The following MYO5A variants were observed in gnomAD, a reference collection of about 807,000 sequenced individuals.
MYO5A encodes the protein unconventional myosin-Va.
Under a neutral mutation model 249.7 loss-of-function variants are expected in MYO5A, and 98 were observed. The observed-to-expected ratio is 0.39, with a 90% confidence interval of 0.33 to 0.46. The LOEUF (loss-of-function observed/expected upper bound fraction) is 0.46, where lower values mean the gene tolerates loss of function less well. MYO5A is among the 20% of genes least tolerant of loss of function. The probability of loss-of-function intolerance (pLI) is 0.98; values close to 1 mark genes in which losing one functional copy is unlikely to be tolerated. For synonymous variants in MYO5A, 778 were observed against 810.6 expected (o/e 0.96, Z 0.68); for missense variants, 1,696 against 2,308.8 (o/e 0.73, Z 5.44).
In MYO5A at chr15:52,376,159, T is replaced by C. The variant is rs111253635; in HGVS notation, c.2420+188A>G. 6.1e-3 allele frequency among the ~76,000 whole-genome samples: 933 copies of C among 152,362 alleles called. 10 individuals are homozygous for C. The highest frequency in any genetic ancestry group is 0.021 in the African/African-American group (892 of 41,586). Reference sequence around the variant, plus strand: ...CAGCAGTTTGTAAATGTTTTGAAGATAAATCTGAATCATTCATAAGGCTGA... The same window carrying C: ...CAGCAGTTTGTAAATGTTTTGAAGACAAATCTGAATCATTCATAAGGCTGA... On this transcript the variant is annotated intron_variant, in intron 19 of 41. Coordinates refer to ENST00000399233, the MANE Select transcript of MYO5A (RefSeq NM_001382347.1).
chr15:52,359,653 T>C (rs950425935), intron 25 of MYO5A, among the ~76,000 whole-genome samples: 1 of 152,130 alleles, frequency 6.6e-6, no homozygotes, highest in Non-Finnish European at 1.5e-5. Context: ...TACCTCAGTC[T>C]GAAATAAATT....
At position 52,379,997 on chromosome 15, in the gene MYO5A, G is replaced by A. The variant is rs1045536721; in HGVS notation, c.2013-89C>T. 78 of 1,296,124 alleles carry A rather than the reference G, an allele frequency of 6.0e-5. No individual in the cohort carries two copies. The highest frequency in any genetic ancestry group is 2.4e-4 in the Middle Eastern group (1 of 4,184). The allele number at this position is 1,296,124 out of a possible 1,614,324, so 80.3% of individuals were successfully genotyped here. A position where few individuals can be genotyped will look rare whatever the true frequency, so the allele number is the denominator to read the frequency against. The stretch of plus-strand genomic sequence containing the variant: ...CCTCAGTCAGGGTGTAAATTCTTTC[G>A]TAAGAGCAAAATGGATAAATCAGAA... On this transcript the variant is annotated intron_variant, in intron 16 of 41. Transcript: ENST00000399233.
intron 1 of MYO5A, among the ~76,000 whole-genome samples, chr15:52,476,872 T>G (rs1170133033): frequency 6.6e-6 from 1 of 152,190 alleles, no homozygotes; most frequent in East Asian, 1.9e-4. Flanking sequence ...TTATGTGTCT[T>G]GGGGTTGTTC....
At position 52,438,083 on chromosome 15, in the gene MYO5A, A is replaced by T. The variant is rs115857714; in HGVS notation, c.28-4798T>A. On this transcript the variant is annotated intron_variant, in intron 1 of 41. Coordinates refer to ENST00000399233, the MANE Select transcript of MYO5A (RefSeq NM_001382347.1). Reference sequence around the variant, plus strand: ...TAACCAATGAGATCAGTGACTCTGCAGAAACAACTATGCCAGAAGGGGGTC... The same window carrying T: ...TAACCAATGAGATCAGTGACTCTGCTGAAACAACTATGCCAGAAGGGGGTC... The T allele has an allele frequency of 5.3e-4, 519 of 984,332 alleles. 2 individuals carry two copies. In the African/African-American group the frequency reaches 8.6e-3, roughly 16 times the overall value. The allele number at this position is 984,332 out of a possible 1,614,324, so 61.0% of individuals were successfully genotyped here. A position where few individuals can be genotyped will look rare whatever the true frequency, so the allele number is the denominator to read the frequency against.
chr15:52,506,613 G>T (rs1352431749), intron 1 of MYO5A, among the ~76,000 whole-genome samples: 1 of 151,864 alleles, frequency 6.6e-6, no homozygotes, highest in African/African-American at 2.4e-5. Flanking sequence ...AAGGAGGGCG[G>T]ATCTCTTGAG....
intron 5 of MYO5A, among the ~76,000 whole-genome samples, chr15:52,415,154 G>A (rs2043420388): frequency 6.6e-6 from 1 of 152,100 alleles, no homozygotes; most frequent in Non-Finnish European, 1.5e-5. Flanking sequence ...TGTACCACAG[G>A]TGCACCAGGC....
At chr15:52,434,032 C>G (rs1444725144) in intron 1 of MYO5A, among the ~76,000 whole-genome samples, 1 of 141,972 alleles carries the variant, frequency 7.0e-6, no homozygotes, top group Non-Finnish European at 1.5e-5. Context: ...TACAGTCTCG[C>G]TCTGTTGCCC....
chr15:52,523,713 G>A (rs1389968675), intron 1 of MYO5A, among the ~76,000 whole-genome samples: 1 of 152,136 alleles, frequency 6.6e-6, no homozygotes, highest in African/African-American at 2.4e-5. Context: ...CAAGAAAAAA[G>A]ATACGGAGGT....
Position 52,313,845 on chromosome 15 carries a change from G to A in MYO5A, c.5494C>T (p.Arg1832Cys), listed in dbSNP as rs1244911982. Reference protein sequence around the residue: ...SVSFIRTIQMRLRDRKDSPQL... With the variant: ...SVSFIRTIQMCLRDRKDSPQL... ...GGAGAGTCTTTCCTGTCTCGTAAAC[G>A]CATCTGAGAAGATTAGGAAAAAAAA... Residue 1832 changes from arginine (R) to cysteine (C), a missense_variant, in exon 42 of 42, where the codon CGT becomes TGT. Coordinates refer to ENST00000399233, the MANE Select transcript of MYO5A (RefSeq NM_001382347.1). The A allele has an allele frequency of 1.9e-6, 3 of 1,613,740 alleles. No individual in the cohort carries two copies. Among genetic ancestry groups the A allele is most frequent in the East Asian group, 2.2e-5 (1 of 44,878 alleles).
intron 30 of MYO5A, among the ~76,000 whole-genome samples, chr15:52,345,930 C>A (rs774302059): frequency 6.6e-6 from 1 of 152,164 alleles, no homozygotes; most frequent in Non-Finnish European, 1.5e-5. Context: ...ATGGCCAACA[C>A]TGAGTGATTC....
chr15:52,441,003 A>G, intron 1 of MYO5A, among the ~76,000 whole-genome samples: 1 of 152,190 alleles, frequency 6.6e-6, no homozygotes, highest in East Asian at 1.9e-4. Context: ...TATTACAAAA[A>G]CTAAGTGCTC....
At chr15:52,482,295 T>C (rs1273628171) in intron 1 of MYO5A, among the ~76,000 whole-genome samples, 1 of 152,206 alleles carries the variant, frequency 6.6e-6, no homozygotes, top group Non-Finnish European at 1.5e-5. Context: ...CATGGCATCA[T>C]GTGGAAGAAA....
At position 52,372,184 on chromosome 15, in the gene MYO5A, C is replaced by T. The variant is rs745549129; in HGVS notation, c.2757G>A (p.Lys919=). 7 of 1,613,694 alleles carry T rather than the reference C, an allele frequency of 4.3e-6. No individual in the cohort carries two copies. The highest frequency in any genetic ancestry group is 5.9e-6 in the Non-Finnish European group (7 of 1,180,016). The stretch of plus-strand genomic sequence containing the variant: ...TGTTCTCCATGCCGATGTGCAGCTT[C>T]TTATAGCGCTCCACTGAGCGAGCCT... The part of the protein sequence containing the change: ...KIEARSVERY[K]KLHIGMENKI... Residue 919 remains lysine (K), a synonymous_variant, in exon 21 of 42, where the codon AAG becomes AAA. Transcript: ENST00000399233.
intron 25 of MYO5A, among the ~76,000 whole-genome samples, chr15:52,354,358 T>C (rs1289958282): frequency 6.6e-6 from 1 of 152,190 alleles, no homozygotes; most frequent in East Asian, 1.9e-4. Context: ...TGTGCATACC[T>C]TTAACCTAGC....
chr15:52,319,003 C>T, intron 39 of MYO5A, 57 bp downstream of exon 39: 3 of 1,598,682 alleles, frequency 1.9e-6, no homozygotes, highest in Non-Finnish European at 2.6e-6. Context: ...CTCCACAACC[C>T]TGGCAGGCCA....
intron 1 of MYO5A, among the ~76,000 whole-genome samples, chr15:52,479,674 T>C (rs568678987): frequency 1.3e-5 from 2 of 152,234 alleles, no homozygotes; most frequent in African/African-American, 4.8e-5. Flanking sequence ...CCTATTTTTG[T>C]TTAATATATA....
chr15:52,397,847 T>C (rs1227679569), intron 9 of MYO5A, among the ~76,000 whole-genome samples: 1 of 152,202 alleles, frequency 6.6e-6, no homozygotes, highest in East Asian at 1.9e-4. Flanking sequence ...CTAGAACTTA[T>C]AGTCACTTGG....
intron 2 of MYO5A, among the ~76,000 whole-genome samples, chr15:52,430,630 C>G (rs1268219875): frequency 1.3e-5 from 2 of 152,114 alleles, no homozygotes; most frequent in Non-Finnish European, 2.9e-5. Context: ...TTGTTTGACC[C>G]CTGTCCCTAG....
rs141595545 is a variant in MYO5A, at chr15:52,361,785, C to G, written c.3310-1704G>C. Among the ~76,000 whole-genome samples the G allele has an allele frequency of 2.0e-5, 3 of 152,300 alleles. No homozygotes were observed. In the South Asian group the frequency reaches 6.2e-4, roughly 32 times the overall value. On this transcript the variant is annotated intron_variant, in intron 24 of 41. Transcript: ENST00000399233. ...TTAGGATTTTGTTCCCCCGTTTATA[C>G]GTTTTTCAATTACAAGGATATATAT... is the stretch of plus-strand genomic sequence containing the variant.
Sources: gnomAD v4.1 joint callset for allele counts (sites outside exome capture counted in the v4.1 genomes callset) on GRCh38, gnomAD v4.1.1 for gene constraint, MANE v1.5 for transcripts, NCBI Gene and HGNC (gene_info 2026-07-23, HGNC 2026-07-21) for gene names.